The following MYT1L variants were observed in gnomAD, a reference collection of about 807,000 sequenced individuals.
The protein encoded by MYT1L is myelin transcription factor 1-like protein.
A neutral mutation model predicts 126.7 loss-of-function variants in MYT1L; 12 were observed. The ratio of observed to expected loss-of-function variants is 0.09; its 90% CI spans 0.06 to 0.15. The LOEUF is 0.15. MYT1L is among the 10% of genes least tolerant of loss of function. The probability of loss-of-function intolerance (pLI) is 1.00; values close to 1 mark genes in which losing one functional copy is unlikely to be tolerated. For missense variants in MYT1L, 979 were observed against 1,585.2 expected (o/e 0.62, Z 6.49); for synonymous variants, 541 against 604.2 (o/e 0.90, Z 1.53).
rs748226213 is a variant in MYT1L at position 1,887,414 on chromosome 2, A to T, written c.2642+74T>A. Reference sequence around the variant, plus strand: ...TGCTCAAACGGCAAGGCATATACAGATCCAGTTTTAAAAAATCAGCCAAAG... The same window carrying T: ...TGCTCAAACGGCAAGGCATATACAGTTCCAGTTTTAAAAAATCAGCCAAAG... On this transcript the variant is annotated intron_variant, in intron 17 of 24. Transcript: ENST00000647738. This position sits in a 1 kb window ranked among gnomAD's most constrained non-coding sequence, Gnocchi z 4.8. The T allele has an allele frequency of 1.9e-5, 30 of 1,596,158 alleles. No homozygotes were observed. The highest frequency in any genetic ancestry group is 2.5e-5 in the Non-Finnish European group (29 of 1,164,620).
intron 1 of MYT1L, among the ~76,000 whole-genome samples, chr2:2,286,673 C>T (rs944651039): frequency 1.3e-5 from 2 of 152,124 alleles, no homozygotes; most frequent in Admixed American, 1.3e-4. Flanking sequence ...TAAGTGGCCT[C>T]ACATGGTTTG....
At chr2:1,970,716 C>T in intron 8 of MYT1L, among the ~76,000 whole-genome samples, 1 of 152,196 alleles carries the variant, frequency 6.6e-6, no homozygotes, top group East Asian at 1.9e-4. Context: ...CCTGCCTTTT[C>T]TAGAATCCCC....
chr2:2,016,223 A>G (rs1440261649), intron 4 of MYT1L, among the ~76,000 whole-genome samples: 1 of 152,194 alleles, frequency 6.6e-6, no homozygotes, highest in Non-Finnish European at 1.5e-5. Flanking sequence ...CCAGGCAGGG[A>G]TGGCAAACAA....
intron 3 of MYT1L, among the ~76,000 whole-genome samples, chr2:2,092,323 T>C (rs75821453): frequency 0.023 from 3,437 of 152,240 alleles, 58 homozygotes; most frequent in Non-Finnish European, 0.034. Flanking sequence ...GATAGAAGAA[T>C]GACTGGCGGA....
chr2:2,034,040 T>C (rs191971839), intron 4 of MYT1L, among the ~76,000 whole-genome samples: 11 of 152,270 alleles, frequency 7.2e-5, no homozygotes, highest in Admixed American at 2.6e-4. Flanking sequence ...GGGGCCTGGG[T>C]TCTCTCCAGA....
chr2:2,255,792 C>G (rs1328812721), intron 2 of MYT1L, among the ~76,000 whole-genome samples: 1 of 152,216 alleles, frequency 6.6e-6, no homozygotes, highest in South Asian at 2.1e-4. Flanking sequence ...CTCTGGAGGC[C>G]GTTTCTAGTC....
chr2:1,942,875 A>G, intron 9 of MYT1L, 107 bp downstream of exon 9: 2 of 1,409,644 alleles, frequency 1.4e-6, no homozygotes, highest in Non-Finnish European at 1.9e-6. Flanking sequence ...TTGACCAAGA[A>G]GAACAATTTC....
intron 19 of MYT1L, among the ~76,000 whole-genome samples, chr2:1,849,631 C>A (rs949909778): frequency 3.2e-4 from 48 of 152,212 alleles, no homozygotes; most frequent in Non-Finnish European, 6.6e-4. Flanking sequence ...CGGAGGACGG[C>A]CCCCACGGCA....
chr2:1,885,836 T>C (rs141998273), intron 18 of MYT1L, among the ~76,000 whole-genome samples: 58 of 152,348 alleles, frequency 3.8e-4, no homozygotes, highest in African/African-American at 1.2e-3. Flanking sequence ...AGACTCCCCC[T>C]GTGACTTCTA....
intron 2 of MYT1L, among the ~76,000 whole-genome samples, chr2:2,238,031 C>T (rs1326039539): frequency 1.3e-5 from 2 of 152,138 alleles, no homozygotes; most frequent in African/African-American, 4.8e-5. Flanking sequence ...ATGATTCCTC[C>T]ATAATGGAAA....
intron 14 of MYT1L, among the ~76,000 whole-genome samples, chr2:1,896,909 T>C (rs1214807683): frequency 6.6e-6 from 1 of 152,240 alleles, no homozygotes; most frequent in Non-Finnish European, 1.5e-5. Context: ...TGAATCACCT[T>C]AAATTATCCT....
chr2:2,210,969 A>G (rs1252687743), intron 2 of MYT1L, among the ~76,000 whole-genome samples: 2 of 151,942 alleles, frequency 1.3e-5, no homozygotes, highest in East Asian at 3.9e-4. Context: ...CTTCCTATGT[A>G]TTTAATTTTA....
intron 5 of MYT1L, among the ~76,000 whole-genome samples, chr2:1,980,438 CA>C (rs1434488636): frequency 6.6e-6 from 1 of 151,796 alleles, no homozygotes; most frequent in Non-Finnish European, 1.5e-5. Context: ...GTTTTACCAT[CA>C]GGGGCGCGCT....
intron 4 of MYT1L, among the ~76,000 whole-genome samples, chr2:2,017,841 C>T (rs1286995045): frequency 6.6e-6 from 1 of 152,124 alleles, no homozygotes; most frequent in African/African-American, 2.4e-5. Context: ...GCAGAGACTG[C>T]ATTTCAATTT....
chr2:2,188,356 C>G (rs2092353857), intron 2 of MYT1L, among the ~76,000 whole-genome samples: 1 of 152,222 alleles, frequency 6.6e-6, no homozygotes, highest in Non-Finnish European at 1.5e-5. Flanking sequence ...AGAGGTGCAT[C>G]TCCTTTCAAG....
At chr2:2,054,717 G>A (rs950290103) in intron 3 of MYT1L, among the ~76,000 whole-genome samples, 1 of 151,688 alleles carries the variant, frequency 6.6e-6, no homozygotes, top group Non-Finnish European at 1.5e-5. Context: ...ATGATGAGAT[G>A]TATGGAGATG....
In MYT1L at chr2:1,922,410, G is replaced by A. The variant is rs1250297730; in HGVS notation, c.1359C>T (p.Ala453=). 8.1e-6 allele frequency: 13 copies of A among 1,613,778 alleles called. No individual in the cohort carries two copies. In the South Asian group the frequency reaches 1.4e-4, roughly 18 times the overall value. The change falls in exon 10 of 25, where the codon GCC becomes GCT. Residue 453 remains alanine (A), a synonymous_variant. Transcript: ENST00000647738. The surrounding 1 kb of genome is among the most constrained non-coding windows in gnomAD (Gnocchi z 7.4). ...ERAKAMREKM[A]MEAGRRDNMR... is the part of the protein sequence containing the mutation. ...TATTGTCCCTCCTCCCAGCTTCCAT[G>A]GCCATCTTCTCCCTCATGGCCTTTG...
chr2:1,867,550 G>A (rs747897164), intron 18 of MYT1L, among the ~76,000 whole-genome samples: 6 of 151,618 alleles, frequency 4.0e-5, no homozygotes, highest in Admixed American at 2.0e-4. Context: ...TCTGTCAGAG[G>A]AGGATTAGGA....
intron 3 of MYT1L, among the ~76,000 whole-genome samples, chr2:2,123,048 G>A (rs116642438): frequency 0.011 from 1,649 of 152,130 alleles, 39 homozygotes; most frequent in African/African-American, 0.037. Flanking sequence ...TTCAGGGCAC[G>A]CTGGCTCGCC....
Sources: gnomAD v4.1 joint callset for allele counts (sites outside exome capture counted in the v4.1 genomes callset) on GRCh38, gnomAD v4.1.1 for gene constraint, Gnocchi (gnomAD v3.1) non-coding constraint, MANE v1.5 for transcripts, NCBI Gene and HGNC (gene_info 2026-07-23, HGNC 2026-07-21) for gene names.